The following MALSU1 variants were observed in gnomAD, a reference collection of about 807,000 sequenced individuals.
MALSU1 encodes mitochondrial assembly of ribosomal large subunit 1, also known as mitochondrial assembly of ribosomal large subunit protein 1.
Under a neutral mutation model 22.1 loss-of-function variants are expected in MALSU1, and 22 were observed. The observed-to-expected ratio is 1.00, with a 90% CI of 0.71 to 1.42. The LOEUF (loss-of-function observed/expected upper bound fraction) is 1.42. Ranked by LOEUF, MALSU1 falls within the 40% of genes most tolerant of loss-of-function variation. The pLI is 0.00. For missense variants in MALSU1, 379 were observed against 308.3 expected, an observed-to-expected ratio of 1.23 and a Z score of -1.72; for synonymous variants, 153 against 118.5, an observed-to-expected ratio of 1.29 and a Z score of -1.89.
intron 3 of MALSU1, among the ~76,000 whole-genome samples, chr7:23,308,269 T>G (rs1053148058): frequency 2.6e-5 from 4 of 152,056 alleles, no homozygotes; most frequent in African/African-American, 9.7e-5. Flanking sequence ...GCGGGAGAGA[T>G]TCCTTAGTAG....
At chr7:23,299,699 C>G in intron 1 of MALSU1, 91 bp downstream of exon 1, 10 of 1,400,666 alleles carry the variant, frequency 7.1e-6, no homozygotes, top group Non-Finnish European at 9.6e-6. Flanking sequence ...CCTCTATGTG[C>G]ATTTCTCTTG....
chr7:23,299,498 G>A lies in MALSU1; in HGVS notation c.146G>A (p.Cys49Tyr). 7.4e-6 allele frequency: 12 copies of A among 1,611,936 alleles called. No homozygotes were observed. The highest frequency in any genetic ancestry group is 9.3e-6 in the Non-Finnish European group (11 of 1,179,840). ...CGGCTTCCCGTAGGAGCAGCGTTCT[G>A]CCGGGCTTGCCAGACCCCAAACTTT... is the stretch of plus-strand genomic sequence containing the variant. ...VQRLPVGAAF[C>Y]RACQTPNFVR... Residue 49 changes from cysteine to tyrosine, a missense_variant, in exon 1 of 4, where the codon TGC becomes TAC. Physicochemically the swap from Cys to Tyr is radical, Grantham distance 194. Coordinates refer to ENST00000466681, the MANE Select transcript of MALSU1 (RefSeq NM_138446.2).
intron 2 of MALSU1, 29 bp from the exon 3 acceptor site, chr7:23,307,839 C>G: frequency 6.6e-7 from 1 of 1,521,258 alleles, no homozygotes; most frequent in Non-Finnish European, 9.1e-7. Flanking sequence ...ATCCCCTCTC[C>G]CTTTAATAAA....
At chr7:23,301,797 C>T (rs1409766742) in intron 2 of MALSU1, among the ~76,000 whole-genome samples, 5 of 152,002 alleles carry the variant, frequency 3.3e-5, no homozygotes, top group African/African-American at 1.2e-4. Flanking sequence ...GGTGAAATGC[C>T]GTCTTTACTA....
At chr7:23,308,353 CA>C (rs1489471602) in intron 3 of MALSU1, among the ~76,000 whole-genome samples, 1 of 152,092 alleles carries the variant, frequency 6.6e-6, no homozygotes, top group East Asian at 1.9e-4. Context: ...CAAAAAAGGA[CA>C]AGAGCAGAAG....
intron 2 of MALSU1, among the ~76,000 whole-genome samples, chr7:23,301,766 C>G (rs949055791): frequency 6.6e-6 from 1 of 152,092 alleles, no homozygotes; most frequent in African/African-American, 2.4e-5. Flanking sequence ...GTCAAAAGAT[C>G]AAGACCATCC....
rs1435901010 is a variant in MALSU1 at position 23,310,610 on chromosome 7, T to G, written c.*1067T>G. On this transcript the variant is annotated 3_prime_UTR_variant, in exon 4 of 4. Coordinates refer to ENST00000466681, the MANE Select transcript of MALSU1 (RefSeq NM_138446.2). The stretch of plus-strand genomic sequence containing the variant: ...AATTCATTGTATGAAAAAAAAATCA[T>G]GAATGCTAGGAGAATCCAGTGACAA... The G allele has an allele frequency of 6.6e-6, 1 of 152,160 alleles. No homozygotes were observed. Among genetic ancestry groups the G allele is most frequent in the Non-Finnish European group, 1.5e-5 (1 of 68,030 alleles). 9.4% of individuals were successfully genotyped at this position (152,160 alleles called of 1,614,324 possible). A position where few individuals can be genotyped will look rare whatever the true frequency, so the allele number is the denominator to read the frequency against.
At chr7:23,305,110 C>G (rs1783707228) in intron 2 of MALSU1, among the ~76,000 whole-genome samples, 1 of 152,118 alleles carries the variant, frequency 6.6e-6, no homozygotes, top group Non-Finnish European at 1.5e-5. Context: ...GGTTAGTTTT[C>G]CATGTGGACA....
chr7:23,309,340 T>C lies in MALSU1; in HGVS notation c.518-16T>C, dbSNP rs1422909700. On this transcript the variant is annotated splice_polypyrimidine_tract_variant and intron_variant, in intron 3 of 3. Coordinates refer to ENST00000466681, the MANE Select transcript of MALSU1 (RefSeq NM_138446.2). The stretch of plus-strand genomic sequence containing the variant: ...TGAACTATTCCTTCATTGTATCTCT[T>C]ATCTGTCCCTGACAGGCAGCATGGT... 1.9e-6 allele frequency: 3 copies of C among 1,598,144 alleles called. No homozygotes were observed. The highest frequency in any genetic ancestry group is 8.5e-7 in the Non-Finnish European group (1 of 1,173,764).
chr7:23,303,259 T>C (rs1783672040), intron 2 of MALSU1, among the ~76,000 whole-genome samples: 1 of 152,204 alleles, frequency 6.6e-6, no homozygotes, highest in South Asian at 2.1e-4. Context: ...TTTGACTACT[T>C]TTCAGTATCT....
rs145438232 is a variant in MALSU1 at position 23,309,428 on chromosome 7, G to T, written c.590G>T (p.Arg197Leu). 5 of 1,613,616 alleles carry T rather than the reference G, an allele frequency of 3.1e-6. No individual in the cohort carries two copies. In the Admixed American group the frequency reaches 5.0e-5, roughly 16 times the overall value. The change falls in exon 4 of 4, where the codon CGT becomes CTT. Residue 197 changes from arginine to leucine, a missense_variant. By Grantham distance (102) the Arg-to-Leu change is moderately radical. Transcript: ENST00000466681. ...GAATTAGAGAAATTATGGACCCTAC[G>T]TTCTTATGATGACCAGTTAGCTCAG... ...IYELEKLWTL[R>L]SYDDQLAQIA... is the part of the protein sequence containing the mutation.
At chr7:23,308,211 A>G (rs913380541) in intron 3 of MALSU1, among the ~76,000 whole-genome samples, 2 of 152,192 alleles carry the variant, frequency 1.3e-5, no homozygotes, top group Non-Finnish European at 1.5e-5. Context: ...TGTATCTACT[A>G]GCCACACAGA....
At chr7:23,306,549 T>C (rs1445083362) in intron 2 of MALSU1, among the ~76,000 whole-genome samples, 5 of 152,184 alleles carry the variant, frequency 3.3e-5, no homozygotes, top group African/African-American at 1.2e-4. Context: ...AGTCTCACCA[T>C]TGAATATATT....
At chr7:23,308,626 G>T (rs1398370691) in intron 3 of MALSU1, among the ~76,000 whole-genome samples, 1 of 152,160 alleles carries the variant, frequency 6.6e-6, no homozygotes, top group Non-Finnish European at 1.5e-5. Flanking sequence ...TTTTGCACTG[G>T]TTTCCTGAGC....
At position 23,309,621 on chromosome 7, in the gene MALSU1, C is replaced by G; in HGVS notation, c.*78C>G. 8.3e-7 allele frequency: 1 copy of G among 1,207,014 alleles called. No individual in the cohort carries two copies. Among genetic ancestry groups the G allele is most frequent in the Admixed American group, 2.5e-5 (1 of 39,612 alleles). The allele number at this position is 1,207,014 out of a possible 1,614,324, so 74.8% of individuals were successfully genotyped here. A position where few individuals can be genotyped will look rare whatever the true frequency, so the allele number is the denominator to read the frequency against. On this transcript the variant is annotated 3_prime_UTR_variant, in exon 4 of 4. Transcript: ENST00000466681. ...GGAAAATACAGCTCCTAAAGTCCGT[C>G]TCCTTGGTTAGGCTGCTCTTAGGAC...
intron 3 of MALSU1, 140 bp from the exon 4 acceptor site, chr7:23,309,216 G>A (rs746825983): frequency 7.8e-5 from 53 of 683,124 alleles, no homozygotes; most frequent in Non-Finnish European, 1.1e-4. Context: ...TTGCTGGGAT[G>A]GAGTCCACAG....
rs73279742 is a variant in MALSU1, at chr7:23,307,804, C to A, written c.436-64C>A. 3,624 of 964,560 alleles carry A rather than the reference C, an allele frequency of 3.8e-3. 113 individuals carry two copies. The African/African-American group carries it at 0.058, about 15-fold the overall frequency. The allele number at this position is 964,560 out of a possible 1,614,324, so 59.8% of individuals were successfully genotyped here. On this transcript the variant is annotated intron_variant, in intron 2 of 3. Coordinates refer to ENST00000466681, the MANE Select transcript of MALSU1 (RefSeq NM_138446.2). ...CAAACAAACAAACAAAAAAAAAAGA[C>A]CTTCAGCAAGAACAGGCTTCCCCCA...
At chr7:23,301,606 C>G (rs1294776020) in intron 2 of MALSU1, among the ~76,000 whole-genome samples, 2 of 152,126 alleles carry the variant, frequency 1.3e-5, no homozygotes, top group Non-Finnish European at 2.9e-5. Context: ...ACAGTATAAC[C>G]AGAGGGATTT....
At chr7:23,302,725 G>T (rs1223731848) in intron 2 of MALSU1, among the ~76,000 whole-genome samples, 2 of 152,204 alleles carry the variant, frequency 1.3e-5, no homozygotes, top group Non-Finnish European at 1.5e-5. Flanking sequence ...GAAATGCAAA[G>T]GCAAGAAAGT....
Sources: allele counts gnomAD v4.1 joint callset (sites outside exome capture counted in the v4.1 genomes callset), GRCh38; gene constraint gnomAD v4.1.1; transcripts MANE v1.5; gene names NCBI Gene and HGNC (gene_info 2026-07-23, HGNC 2026-07-21).